Variants in HRNR observed in about 807,000 individuals in gnomAD.
HRNR encodes filaggrin family member 3.
A neutral mutation model predicts 4.8 loss-of-function variants in HRNR; 7 were observed. The observed-to-expected ratio is 1.47, with a 90% CI of 0.83 to 2.75. The LOEUF is 2.75. Ranked by LOEUF, HRNR falls within the 30% of genes most tolerant of loss-of-function variation. HRNR has a pLI of 0.00. For missense variants in HRNR, 2,879 were observed against 3,010.4 expected, an observed-to-expected ratio of 0.96 and a Z score of 1.02; for synonymous variants, 1,023 against 1,242.7, an observed-to-expected ratio of 0.82 and a Z score of 3.72.
In HRNR at chr1:152,221,267, T is replaced by C; in HGVS notation, c.362A>G (p.Lys121Arg). 3 of 1,614,050 alleles carry C rather than the reference T, an allele frequency of 1.9e-6. No homozygotes were observed. The highest frequency in any genetic ancestry group is 2.5e-6 in the Non-Finnish European group (3 of 1,180,014). Residue 121 changes from lysine to arginine, a missense_variant, in exon 3 of 3, where the codon AAA (lysine) becomes AGA (arginine). Lys to Arg is a conservative substitution (Grantham distance 26). Transcript: ENST00000368801. ...ATGACTAAAAGAGGATTCTTGCCGT[T>C]TGTTCTCCTCTTTTTCAGTTTCTTC... Reference protein sequence around the residue: ...EQEETEKEENKRQESSFSHSS... With the variant: ...EQEETEKEENRRQESSFSHSS...
intron 1 of HRNR, 88 bp from the exon 2 acceptor site, chr1:152,223,366 G>T: frequency 4.0e-6 from 3 of 748,124 alleles, no homozygotes; most frequent in Non-Finnish European, 6.1e-6. Context: ...TATAATAATT[G>T]TTCAGAATTA....
In HRNR at chr1:152,220,606, G is replaced by A; in HGVS notation, c.1023C>T (p.Gly341=). ...GCCCAAAGCCAGAAGTCTGGCCTGA[G>A]CCAGACTCATAATGGCCACGGCTGT... ...YSYSRGHYES[G]SGQTSGFGQH... The change falls in exon 3 of 3, where the codon GGC becomes GGT. Residue 341 remains glycine (G), a synonymous_variant. Transcript: ENST00000368801. The A allele has an allele frequency of 6.2e-7, 1 of 1,612,080 alleles. No individual in the cohort carries two copies. Among genetic ancestry groups the A allele is most frequent in the South Asian group, 1.1e-5 (1 of 90,860 alleles).
chr1:152,219,357 C>A lies in HRNR; in HGVS notation c.2272G>T (p.Gly758Cys). 6.2e-7 allele frequency: 1 copy of A among 1,613,832 alleles called. No individual in the cohort carries two copies. Among genetic ancestry groups the A allele is most frequent in the Non-Finnish European group, 8.5e-7 (1 of 1,180,008 alleles). The change falls in exon 3 of 3, where the codon GGC (glycine) becomes TGC (cysteine). Residue 758 changes from glycine to cysteine, a missense_variant. Physicochemically the swap from Gly to Cys is radical, Grantham distance 159 (BLOSUM62 -3). Transcript: ENST00000368801. ...LSSSYGQHGS[G>C]SHQSSGHGRQ... ...CCGTGGCCCGAAGATTGATGGGAGCCCGACCCATGCTGACCATAGCTGGAA... is the reference window on the plus strand; with the variant it reads ...CCGTGGCCCGAAGATTGATGGGAGCACGACCCATGCTGACCATAGCTGGAA...
In HRNR at chr1:152,219,176, C is replaced by T. The variant is rs748832037; in HGVS notation, c.2453G>A (p.Gly818Glu). 2 of 1,613,782 alleles carry T rather than the reference C, an allele frequency of 1.2e-6. No individual in the cohort carries two copies. Among genetic ancestry groups the T allele is most frequent in the South Asian group, 1.1e-5 (1 of 91,074 alleles). ...ESGSGQASGF[G>E]QHESGSGQGY... is the part of the protein sequence containing the mutation. The stretch of plus-strand genomic sequence containing the variant: ...CTGTCCTGAGCCAGACTCGTGTTGC[C>T]CAAAACCAGAAGCCTGGCCTGAGCC... Residue 818 changes from glycine (G) to glutamate (E), a missense_variant, in exon 3 of 3, where the codon GGG becomes GAG. Coordinates refer to ENST00000368801, the MANE Select transcript of HRNR (RefSeq NM_001009931.3).
At position 152,212,935 on chromosome 1, in the gene HRNR, T is replaced by G; in HGVS notation, c.*141A>C. 1.7e-6 allele frequency: 2 copies of G among 1,168,428 alleles called. No homozygotes were observed. The highest frequency in any genetic ancestry group is 1.2e-6 in the Non-Finnish European group (1 of 844,384). 72.4% of individuals were successfully genotyped at this position (1,168,428 alleles called of 1,614,324 possible). A position where few individuals can be genotyped will look rare whatever the true frequency, so the allele number is the denominator to read the frequency against. On this transcript the variant is annotated 3_prime_UTR_variant, in exon 3 of 3. Transcript: ENST00000368801. The stretch of plus-strand genomic sequence containing the variant: ...CAAGATATATGCTACAGTTTTAGGC[T>G]CTAAAGAAAGAGACAGAAATGCATT...
rs148722408 is a variant in HRNR, at chr1:152,218,557, A to G, written c.3072T>C (p.Tyr1024=). The G allele has an allele frequency of 0.014, 21,974 of 1,613,282 alleles. 272 individuals carry two copies. Among genetic ancestry groups the G allele is most frequent in the Non-Finnish European group, 0.016 (18,936 of 1,179,594 alleles). Reference sequence around the variant, plus strand: ...ACCCTGAGCCAGACCTATATGGGCCATAGCTGGAAGACTGCCCGGAACCAG... The same window carrying G: ...ACCCTGAGCCAGACCTATATGGGCCGTAGCTGGAAGACTGCCCGGAACCAG... The part of the protein sequence containing the change: ...HGSGSGQSSS[Y]GPYRSGSGWS... Residue 1024 remains tyrosine (Y), a synonymous_variant, in exon 3 of 3, where the codon TAT becomes TAC. Transcript: ENST00000368801.
chr1:152,212,891 T>G lies in HRNR; in HGVS notation c.*185A>C. On this transcript the variant is annotated 3_prime_UTR_variant, in exon 3 of 3. Coordinates refer to ENST00000368801, the MANE Select transcript of HRNR (RefSeq NM_001009931.3). Reference sequence around the variant, plus strand: ...AAAGTAGCACAAATGCCTAACAGTCTTTGGAAGGAACCCCATAACAAGATA... The same window carrying G: ...AAAGTAGCACAAATGCCTAACAGTCGTTGGAAGGAACCCCATAACAAGATA... 2 of 787,498 alleles carry G rather than the reference T, an allele frequency of 2.5e-6. No homozygotes were observed. Among genetic ancestry groups the G allele is most frequent in the Non-Finnish European group, 3.9e-6 (2 of 509,258 alleles). 48.8% of individuals were successfully genotyped at this position (787,498 alleles called of 1,614,324 possible).
chr1:152,221,317 G>T lies in HRNR; in HGVS notation c.312C>A (p.Asp104Glu), dbSNP rs1648994069. The change falls in exon 3 of 3, where the codon GAC becomes GAA. Residue 104 changes from aspartate to glutamate, a missense_variant. Coordinates refer to ENST00000368801, the MANE Select transcript of HRNR (RefSeq NM_001009931.3). ...CQVSGSKLRD[D>E]THQHQEEQEE... ...CTTGTTCCTCTTGGTGCTGGTGAGTGTCATCTCTCAGCTTTGACCCTGAAA... is the reference window on the plus strand; with the variant it reads ...CTTGTTCCTCTTGGTGCTGGTGAGTTTCATCTCTCAGCTTTGACCCTGAAA... The T allele has an allele frequency of 1.2e-6, 2 of 1,613,856 alleles. No homozygotes were observed. The highest frequency in any genetic ancestry group is 3.3e-5 in the Admixed American group (2 of 60,000).
Position 152,220,691 on chromosome 1 carries a change from C to T in HRNR, c.938G>A (p.Gly313Glu), listed in dbSNP as rs142730465. Residue 313 changes from glycine (G) to glutamate (E), a missense_variant, in exon 3 of 3, where the codon GGG becomes GAG. Physicochemically the swap from Gly to Glu is moderately conservative, Grantham distance 98. Around this residue, in one of 8 missense-constraint regions of HRNR, gnomAD observed 2,646 missense variants for 1,377.7 expected, o/e 1.92. Coordinates refer to ENST00000368801, the MANE Select transcript of HRNR (RefSeq NM_001009931.3). ...SRQSPSHVRHGSGSGHSSSHG... is the reference protein window; with the variant it reads ...SRQSPSHVRHESGSGHSSSHG... ...GCTGGAGGAGTGCCCCGAACCGGAC[C>T]CATGTCGGACGTGGCTAGGAGACTG... The T allele has an allele frequency of 2.5e-6, 4 of 1,613,146 alleles. No homozygotes were observed. The highest frequency in any genetic ancestry group is 3.4e-6 in the Non-Finnish European group (4 of 1,179,488).
rs772830940 is a variant in HRNR at position 152,220,566 on chromosome 1, A to T, written c.1063T>A (p.Ser355Thr). The T allele has an allele frequency of 1.4e-5, 23 of 1,608,262 alleles. No individual in the cohort carries two copies. Among genetic ancestry groups the T allele is most frequent in the Non-Finnish European group, 2.0e-5 (23 of 1,175,876 alleles). Residue 355 changes from serine to threonine, a missense_variant, in exon 3 of 3, where the codon TCA (serine) becomes ACA (threonine). Coordinates refer to ENST00000368801, the MANE Select transcript of HRNR (RefSeq NM_001009931.3). ...TSGFGQHESG[S>T]GQSSGYSKHG... ...TTACTATAGCCAGAGGACTGTCCTG[A>T]GCCAGACTCATGTTGCCCAAAGCCA...
Position 152,215,669 on chromosome 1 carries a change from G to T in HRNR, c.5960C>A (p.Ser1987Tyr). Residue 1987 changes from serine to tyrosine, a missense_variant, in exon 3 of 3, where the codon TCT becomes TAT. Transcript: ENST00000368801. The part of the protein sequence containing the change: ...RGPYESGSGH[S>Y]SGLGHRESRS... ...AGACTCTCGGTGACCTAAGCCAGAA[G>T]AGTGACCGGAGCCAGACTCATATGG... 1 of 1,605,664 alleles carries T rather than the reference G, an allele frequency of 6.2e-7. No individual in the cohort carries two copies. Among genetic ancestry groups the T allele is most frequent in the East Asian group, 2.3e-5 (1 of 43,192 alleles).
chr1:152,224,048 C>T (rs1471347802), intron 1 of HRNR, 95 bp downstream of exon 1: 1 of 152,032 alleles, frequency 6.6e-6, no homozygotes, highest in African/African-American at 2.4e-5. Context: ...AAAAAGAAGC[C>T]TTGTATCTAG....
In HRNR at chr1:152,212,789, G is replaced by T; in HGVS notation, c.*287C>A. ...AAAGACAACTCCAACTAAACCCAAA[G>T]CTCTTTAAAAGCTTTTCATTATTCC... On this transcript the variant is annotated 3_prime_UTR_variant, in exon 3 of 3. Transcript: ENST00000368801. 1 of 458,756 alleles carries T rather than the reference G, an allele frequency of 2.2e-6. No homozygotes were observed. Among genetic ancestry groups the T allele is most frequent in the Non-Finnish European group, 3.8e-6 (1 of 260,936 alleles). 28.4% of individuals were successfully genotyped at this position (458,756 alleles called of 1,614,324 possible). A position where few individuals can be genotyped will look rare whatever the true frequency, so the allele number is the denominator to read the frequency against.
rs1648407309 is a variant in HRNR at position 152,212,150 on chromosome 1, G to A, written c.*926C>T. The A allele has an allele frequency of 6.6e-6, 1 of 152,132 alleles. No individual in the cohort carries two copies. Among genetic ancestry groups the A allele is most frequent in the African/African-American group, 2.4e-5 (1 of 41,440 alleles). 9.4% of individuals were successfully genotyped at this position (152,132 alleles called of 1,614,324 possible). ...TTGAATCCAAAGACTTGAAACAAAT[G>A]TGTTACAGTCAAATTAAGGAACTAT... On this transcript the variant is annotated 3_prime_UTR_variant, in exon 3 of 3. Coordinates refer to ENST00000368801, the MANE Select transcript of HRNR (RefSeq NM_001009931.3).
rs776862676 is a variant in HRNR at position 152,219,945 on chromosome 1, C to G, written c.1684G>C (p.Gly562Arg). The G allele has an allele frequency of 2.5e-6, 4 of 1,613,292 alleles. No homozygotes were observed. Among genetic ancestry groups the G allele is most frequent in the Non-Finnish European group, 3.4e-6 (4 of 1,179,630 alleles). Residue 562 changes from glycine (G) to arginine (R), a missense_variant, in exon 3 of 3, where the codon GGG becomes CGG. By Grantham distance (125) the Gly-to-Arg change is moderately radical. Transcript: ENST00000368801. ...CTTGAAGACCTCCCTGAGCCATACC[C>G]ATGTGGGCCATAGCTGGAAGACTGC... The part of the protein sequence containing the change: ...SRQSSSYGPH[G>R]YGSGRSSSRG...
rs142424978 is a variant in HRNR at position 152,218,471 on chromosome 1, C to T, written c.3158G>A (p.Arg1053Gln). Reference protein sequence around the residue: ...GSGHSSGLGHRESRSGQSSGY... With the variant: ...GSGHSSGLGHQESRSGQSSGY... ...AGAGGACTGTCCTGAGCGAGACTCT[C>T]GGTGACCTAAGCCAGAAGAGTGACC... The change falls in exon 3 of 3, where the codon CGA becomes CAA. Residue 1053 changes from arginine (R) to glutamine (Q), a missense_variant. By Grantham distance (43) the Arg-to-Gln change is conservative (BLOSUM62 1). This residue lies in a region of HRNR where 2,646 missense variants were observed against 1,377.7 expected (regional missense o/e 1.92). Transcript: ENST00000368801. The T allele has an allele frequency of 4.9e-3, 7,959 of 1,612,842 alleles. 22 individuals carry two copies. Among genetic ancestry groups the T allele is most frequent in the Non-Finnish European group, 6.0e-3 (7,077 of 1,179,780 alleles).
rs1437538929 is a variant in HRNR at position 152,219,950 on chromosome 1, G to C, written c.1679C>G (p.Pro560Arg). 1 of 1,611,786 alleles carries C rather than the reference G, an allele frequency of 6.2e-7. No homozygotes were observed. The highest frequency in any genetic ancestry group is 1.7e-5 in the Admixed American group (1 of 59,856). The change falls in exon 3 of 3, where the codon CCA becomes CGA. Residue 560 changes from proline to arginine, a missense_variant. By Grantham distance (103) the Pro-to-Arg change is moderately radical (BLOSUM62 -2). Transcript: ENST00000368801. ...SGSRQSSSYG[P>R]HGYGSGRSSS... Reference sequence around the variant, plus strand: ...AGACCTCCCTGAGCCATACCCATGTGGGCCATAGCTGGAAGACTGCCTGGA... The same window carrying C: ...AGACCTCCCTGAGCCATACCCATGTCGGCCATAGCTGGAAGACTGCCTGGA...
Position 152,220,028 on chromosome 1 carries a change from C to A in HRNR, c.1601G>T (p.Gly534Val). Residue 534 changes from glycine (G) to valine (V), a missense_variant, in exon 3 of 3, where the codon GGG becomes GTG. Physicochemically the swap from Gly to Val is moderately radical, Grantham distance 109. Coordinates refer to ENST00000368801, the MANE Select transcript of HRNR (RefSeq NM_001009931.3). ...SRQSLGHSRH[G>V]SGSGQSPSPS... ...GCTAGGAGACTGGCCAGATCCAGACCCATGTCGGCTGTGTCCCAAAGATTG... is the reference window on the plus strand; with the variant it reads ...GCTAGGAGACTGGCCAGATCCAGACACATGTCGGCTGTGTCCCAAAGATTG... The A allele has an allele frequency of 1.2e-6, 2 of 1,614,032 alleles. No homozygotes were observed. The highest frequency in any genetic ancestry group is 1.7e-6 in the Non-Finnish European group (2 of 1,179,992).
Position 152,220,804 on chromosome 1 carries a change from A to T in HRNR, c.825T>A (p.Ser275=). ...CATAGCTGGAAGACGAACCTGAGCT[A>T]GATCTGTGTCGTTCACCCCTAGATG... The part of the protein sequence containing the change: ...GQSSRGERHR[S]SSGSSSSYGQ... Residue 275 remains serine (S), a synonymous_variant, in exon 3 of 3, where the codon TCT becomes TCA. Coordinates refer to ENST00000368801, the MANE Select transcript of HRNR (RefSeq NM_001009931.3). 2 of 1,613,808 alleles carry T rather than the reference A, an allele frequency of 1.2e-6. No individual in the cohort carries two copies. The highest frequency in any genetic ancestry group is 1.7e-6 in the Non-Finnish European group (2 of 1,179,930).
Sources: allele counts gnomAD v4.1 joint callset, GRCh38; gene constraint gnomAD v4.1.1; regional missense constraint gnomAD v4.1.1; transcripts MANE v1.5; gene names NCBI Gene and HGNC (gene_info 2026-07-23, HGNC 2026-07-21).